The following OGG1 variants were observed in gnomAD, a reference collection of about 807,000 sequenced individuals.
OGG1 encodes the protein 8-oxoguanine DNA glycosylase.
OGG1 carries 35 observed loss-of-function variants against 42.3 expected under a neutral mutation model. That is an observed-to-expected ratio of 0.83 (90% CI 0.63 to 1.10). The LOEUF is 1.10. Ranked by LOEUF, OGG1 falls within the 50% of genes least tolerant of loss-of-function variation. OGG1 has a pLI of 0.00. For missense variants in OGG1, 484 were observed against 446.7 expected, an observed-to-expected ratio of 1.08 and a Z score of -0.75; for synonymous variants, 189 against 179.0, an observed-to-expected ratio of 1.06 and a Z score of -0.44.
downstream of OGG1, chr3:9,759,585 G>C (rs774836718): frequency 3.1e-6 from 5 of 1,614,056 alleles, no homozygotes; most frequent in African/African-American, 4.0e-5. Flanking sequence ...CCTAGGATGG[G>C]GTTATGTGGT....
At chr3:9,774,981 G>A (rs2078346715) in intron 2 of OGG1, among the ~76,000 whole-genome samples, 1 of 149,780 alleles carries the variant, frequency 6.7e-6, no homozygotes, top group Non-Finnish European at 1.5e-5. Context: ...TTTTTGGCTG[G>A]GCTCATGCCT....
At chr3:9,756,249 C>T (rs577500774) in intron 4 of OGG1, among the ~76,000 whole-genome samples, 5 of 152,218 alleles carry the variant, frequency 3.3e-5, no homozygotes, top group African/African-American at 1.2e-4. Flanking sequence ...CCTGGGAGAG[C>T]CAGGATTGCA....
At chr3:9,760,614 C>G (rs769503002), downstream of OGG1, 2 of 1,608,250 alleles carry the variant, frequency 1.2e-6, no homozygotes, top group Middle Eastern at 1.7e-4. Context: ...GAGGGAGGAA[C>G]CAGAGGCAGG....
At chr3:9,766,055 C>T (rs959050166) in exon 8 of OGG1, 1 of 1,588,362 alleles carries the variant, frequency 6.3e-7, no homozygotes, top group Admixed American at 1.8e-5. Flanking sequence ...TCACATGACC[C>T]AGGCCTGGCC....
chr3:9,788,859 G>T (rs1479065902), downstream of OGG1, among the ~76,000 whole-genome samples: 1 of 147,294 alleles, frequency 6.8e-6, no homozygotes, highest in Admixed American at 6.8e-5. Context: ...TTTTGGAGAC[G>T]GAGTCTTGCT....
At chr3:9,760,943 T>A, downstream of OGG1, 1 of 984,056 alleles carries the variant, frequency 1.0e-6, no homozygotes, top group Non-Finnish European at 1.5e-6. Context: ...TTTCTGTTCC[T>A]TGTATGTGCC....
At chr3:9,757,795 C>T (rs746824562), downstream of OGG1, 4 of 1,613,672 alleles carry the variant, frequency 2.5e-6, no homozygotes, top group Admixed American at 5.0e-5. The surrounding 1 kb of genome is among the most constrained non-coding windows in gnomAD (Gnocchi z 4.5). Context: ...TGGCTGGTGC[C>T]CAGCTGCAGT....
Position 9,757,103 on chromosome 3 carries a change from G to A in OGG1, c.991G>A (p.Glu331Lys). 6.2e-7 allele frequency: 1 copy of A among 1,614,142 alleles called. No homozygotes were observed. Among genetic ancestry groups the A allele is most frequent in the African/African-American group, 1.3e-5 (1 of 75,042 alleles). ...ADLRQSRHAQ[E>K]PPAKRRKGSK... ...CCTGCGCCAATCCCGCCATGCTCAG[G>A]AGCCACCAGCAAAGCGCAGAAAGGG... Residue 331 changes from glutamate to lysine, a missense_variant, in exon 7 of 7, where the codon GAG becomes AAG. Glu to Lys is a moderately conservative substitution (Grantham distance 56, BLOSUM62 1). Coordinates refer to ENST00000344629, the MANE Select transcript of OGG1 (RefSeq NM_002542.6). This position sits in a 1 kb window ranked among gnomAD's most constrained non-coding sequence, Gnocchi z 4.5.
downstream of OGG1, chr3:9,759,475 G>GA (rs897683532): frequency 6.2e-7 from 1 of 1,614,052 alleles, no homozygotes; most frequent in African/African-American, 1.3e-5. Context: ...CAGAACTAGG[G>GA]ATATGGACTC....
At chr3:9,789,281 C>T (rs534348777), downstream of OGG1, among the ~76,000 whole-genome samples, 93 of 152,240 alleles carry the variant, frequency 6.1e-4, no homozygotes, top group African/African-American at 2.1e-3. Flanking sequence ...GCAGACTTCA[C>T]TTAAGTAGAT....
chr3:9,761,014 C>G (rs895148738), downstream of OGG1: 1 of 486,804 alleles, frequency 2.1e-6, no homozygotes, highest in South Asian at 2.3e-5. Context: ...GCCACTCTTT[C>G]CCCACACCTC....
intron 2 of OGG1, chr3:9,780,304 G>A: frequency 6.5e-7 from 1 of 1,535,464 alleles, no homozygotes; most frequent in Non-Finnish European, 8.8e-7. Flanking sequence ...AAGGAAGTGG[G>A]CCTCCCTTCC....
At chr3:9,784,363 G>A (rs751733185) in intron 3 of OGG1, 523 of 1,042,996 alleles carry the variant, frequency 5.0e-4, no homozygotes, top group Non-Finnish European at 6.3e-4. Context: ...GGGAGGGACA[G>A]ACACATCTGG....
intron 2 of OGG1, among the ~76,000 whole-genome samples, chr3:9,779,086 A>C (rs1347346238): frequency 6.6e-6 from 1 of 151,904 alleles, no homozygotes; most frequent in Non-Finnish European, 1.5e-5. Context: ...TGTGTCCCTT[A>C]GGCCAAGCTT....
chr3:9,763,403 CAAA>C (rs571944870), intron 7 of OGG1: 58 of 76,122 alleles, frequency 7.6e-4, no homozygotes, highest in Non-Finnish European at 1.4e-3. Context: ...GACCCTGTCT[CAAA>C]AAAAAAAAAA....
downstream of OGG1, chr3:9,759,460 G>A (rs796304481): frequency 1.2e-6 from 2 of 1,614,064 alleles, no homozygotes; most frequent in African/African-American, 2.7e-5. Flanking sequence ...TGGGGAGGCT[G>A]GGACCAGAAC....
At chr3:9,761,584 T>C (rs777891809), downstream of OGG1, 18 of 1,613,172 alleles carry the variant, frequency 1.1e-5, no homozygotes, top group Non-Finnish European at 1.5e-5. Context: ...GCCCTTCAAC[T>C]CCTGGTTCCC....
chr3:9,785,942 GT>G (rs555853526), intron 3 of OGG1, among the ~76,000 whole-genome samples: 44 of 144,040 alleles, frequency 3.1e-4, no homozygotes, highest in Non-Finnish European at 2.6e-4. Context: ...GTTTTGTTTT[GT>G]TTTTTTTTTT....
At chr3:9,763,018 C>T (rs2077961112) in intron 7 of OGG1, 1 of 1,614,100 alleles carries the variant, frequency 6.2e-7, no homozygotes, top group South Asian at 1.1e-5. Flanking sequence ...AAGCCTTTTT[C>T]CACAATACGG....
Sources: allele counts gnomAD v4.1 joint callset (sites outside exome capture counted in the v4.1 genomes callset), GRCh38; gene constraint gnomAD v4.1.1; non-coding constraint Gnocchi (gnomAD v3.1); transcripts MANE v1.5; gene names NCBI Gene and HGNC (gene_info 2026-07-23, HGNC 2026-07-21).